ADAM12: variants seen among roughly 807,000 people sequenced by gnomAD.
The protein encoded by ADAM12 is ADAM metallopeptidase domain 12.
A neutral mutation model predicts 106.4 loss-of-function variants in ADAM12; 70 were observed. That is an observed-to-expected ratio of 0.66 (90% CI 0.54 to 0.80). The LOEUF (loss-of-function observed/expected upper bound fraction) is 0.80. Ranked by LOEUF, ADAM12 falls within the 30% of genes least tolerant of loss-of-function variation. ADAM12 has a pLI of 0.00. For synonymous variants in ADAM12, 420 were observed against 433.5 expected (o/e 0.97, Z 0.39); for missense variants, 1,010 against 1,171.9 (o/e 0.86, Z 2.02).
At chr10:126,068,120 G>A (rs1954909980) in intron 12 of ADAM12, among the ~76,000 whole-genome samples, 1 of 152,140 alleles carries the variant, frequency 6.6e-6, no homozygotes, top group Non-Finnish European at 1.5e-5. Flanking sequence ...TCAACCAGAA[G>A]TCATAGCTGT....
At chr10:126,311,128 C>CT (rs1961075432) in intron 2 of ADAM12, among the ~76,000 whole-genome samples, 4 of 151,546 alleles carry the variant, frequency 2.6e-5, no homozygotes, top group African/African-American at 9.7e-5. Context: ...CACACACACA[C>CT]ACACACACAC....
chr10:126,322,130 T>G (rs139920379), intron 2 of ADAM12, among the ~76,000 whole-genome samples: 1 of 152,358 alleles, frequency 6.6e-6, no homozygotes, highest in South Asian at 2.1e-4. Context: ...ATGAAAATGA[T>G]ACTAAATTCA....
rs1954874705 is a variant in ADAM12, at chr10:126,066,647, C to T, written c.1413+70G>A. ...GAAACCTTCCAGCCACACTGCTTGC[C>T]CTGCATCAGATCTGAACCACCTGAA... On this transcript the variant is annotated intron_variant, in intron 13 of 22. Coordinates refer to ENST00000448723, the MANE Select transcript of ADAM12 (RefSeq NM_001288973.2). This position sits in a 1 kb window ranked among gnomAD's most constrained non-coding sequence, Gnocchi z 5.1. The T allele has an allele frequency of 2.1e-6, 3 of 1,458,046 alleles. No individual in the cohort carries two copies. The African/African-American group carries it at 4.2e-5, about 20-fold the overall frequency. 90.3% of individuals were successfully genotyped at this position (1,458,046 alleles called of 1,614,324 possible). A position where few individuals can be genotyped will look rare whatever the true frequency, so the allele number is the denominator to read the frequency against.
intron 2 of ADAM12, among the ~76,000 whole-genome samples, chr10:126,282,595 TTTAC>T (rs1959637288): frequency 6.6e-6 from 1 of 152,194 alleles, no homozygotes; most frequent in Admixed American, 6.5e-5. Context: ...ACTGGTTTCT[TTTAC>T]TTAATCTTAT....
chr10:126,248,622 C>T (rs1424528363), intron 3 of ADAM12, among the ~76,000 whole-genome samples: 2 of 152,082 alleles, frequency 1.3e-5, no homozygotes, highest in Non-Finnish European at 2.9e-5. Context: ...ATACCATGAG[C>T]TAGGTATTGT....
intron 2 of ADAM12, among the ~76,000 whole-genome samples, chr10:126,280,386 T>C (rs1373822083): frequency 6.6e-6 from 1 of 152,206 alleles, no homozygotes; most frequent in African/African-American, 2.4e-5. Context: ...TAGCCGCATA[T>C]GGCTATTTAA....
chr10:126,147,454 C>T (rs1185658999), intron 4 of ADAM12, among the ~76,000 whole-genome samples: 2 of 152,176 alleles, frequency 1.3e-5, no homozygotes, highest in Admixed American at 1.3e-4. Flanking sequence ...TGAGGAAGGC[C>T]TTTATTGACC....
At chr10:126,037,285 CT>C (rs34515487) in intron 20 of ADAM12, among the ~76,000 whole-genome samples, 127 of 136,248 alleles carry the variant, frequency 9.3e-4, no homozygotes, top group Middle Eastern at 3.9e-3. Context: ...TAAGGCTGTG[CT>C]TTTTTTTTTT....
intron 3 of ADAM12, among the ~76,000 whole-genome samples, chr10:126,269,215 G>A (rs1355807391): frequency 2.0e-5 from 3 of 152,150 alleles, no homozygotes; most frequent in Admixed American, 2.0e-4. Flanking sequence ...GTTTTAGCCA[G>A]CTTCTTTACT....
chr10:126,209,516 G>A (rs550505347), intron 3 of ADAM12, among the ~76,000 whole-genome samples: 2 of 152,256 alleles, frequency 1.3e-5, no homozygotes, highest in Admixed American at 6.5e-5. Flanking sequence ...ATTAGAATTT[G>A]TCCTAATAAC....
intron 3 of ADAM12, among the ~76,000 whole-genome samples, chr10:126,189,551 G>C (rs1406506508): frequency 6.6e-6 from 1 of 152,154 alleles, no homozygotes; most frequent in African/African-American, 2.4e-5. Flanking sequence ...TGCTGACTAC[G>C]TGCCAGGCAT....
In ADAM12 at chr10:126,019,748, G is replaced by A; in HGVS notation, c.2607C>T (p.Ala869=). The A allele has an allele frequency of 6.2e-7, 1 of 1,614,180 alleles. No homozygotes were observed. Among genetic ancestry groups the A allele is most frequent in the Non-Finnish European group, 8.5e-7 (1 of 1,180,026 alleles). The change falls in exon 22 of 23, where the codon GCC becomes GCT. Residue 869 remains alanine (A), a synonymous_variant. Coordinates refer to ENST00000448723, the MANE Select transcript of ADAM12 (RefSeq NM_001288973.2). The stretch of plus-strand genomic sequence containing the variant: ...CCCATTGTCCTGGGGTCCTGGCCAA[G>A]GCATGAGTGAGCCGAGTTGTTCTGG... ...PLARTTRLTH[A]LARTPGQWET...
At chr10:126,114,709 A>C (rs776984762) in intron 6 of ADAM12, among the ~76,000 whole-genome samples, 3 of 152,102 alleles carry the variant, frequency 2.0e-5, no homozygotes, top group Non-Finnish European at 4.4e-5. Context: ...TGAACTCCTG[A>C]CCTCAGGTGA....
intron 3 of ADAM12, among the ~76,000 whole-genome samples, chr10:126,192,606 C>T (rs558644708): frequency 1.6e-4 from 24 of 152,350 alleles, no homozygotes; most frequent in Admixed American, 1.3e-4. Context: ...ATTCATCCAT[C>T]GCACATACTT....
chr10:126,246,701 C>T (rs1958637232), intron 3 of ADAM12, among the ~76,000 whole-genome samples: 3 of 152,304 alleles, frequency 2.0e-5, no homozygotes, highest in Admixed American at 2.0e-4. Context: ...ATGTTAAAAA[C>T]TTTCAATAAA....
intron 3 of ADAM12, among the ~76,000 whole-genome samples, chr10:126,195,925 T>C (rs1053255473): frequency 3.3e-5 from 5 of 152,216 alleles, no homozygotes; most frequent in Non-Finnish European, 7.3e-5. Flanking sequence ...TAAAACCCGA[T>C]CACCGTCTCA....
Position 126,297,360 on chromosome 10 carries a change from T to C in ADAM12, c.187-18372A>G, listed in dbSNP as rs202235178. ...CAATTCGAGACCAGCCTGGGCAACA[T>C]AGCAAAAACCCATCTCTACAAAAAA... On this transcript the variant is annotated intron_variant, in intron 2 of 22. Coordinates refer to ENST00000448723, the MANE Select transcript of ADAM12 (RefSeq NM_001288973.2). Among the ~76,000 whole-genome samples, 5 of 152,220 alleles carry C rather than the reference T, an allele frequency of 3.3e-5. No individual in the cohort carries two copies. The East Asian group carries it at 5.8e-4, about 18-fold the overall frequency.
intron 3 of ADAM12, among the ~76,000 whole-genome samples, chr10:126,169,394 C>A (rs1037607856): frequency 1.3e-5 from 2 of 152,206 alleles, no homozygotes; most frequent in African/African-American, 4.8e-5. Flanking sequence ...ATGTTTCCCC[C>A]ATTAGGGCAG....
chr10:126,123,106 T>C (rs1448006293), intron 5 of ADAM12, among the ~76,000 whole-genome samples: 4 of 152,332 alleles, frequency 2.6e-5, no homozygotes, highest in East Asian at 1.9e-4. Flanking sequence ...TGGCAGCCTA[T>C]AATAAGCTTA....
Sources: gnomAD v4.1 joint callset for allele counts (sites outside exome capture counted in the v4.1 genomes callset) on GRCh38, gnomAD v4.1.1 for gene constraint, Gnocchi (gnomAD v3.1) non-coding constraint, MANE v1.5 for transcripts, NCBI Gene and HGNC (gene_info 2026-07-23, HGNC 2026-07-21) for gene names.